The following GRK5 variants were observed in gnomAD, a reference collection of about 807,000 sequenced individuals.
The protein encoded by GRK5 is g protein-coupled receptor kinase GRK5.
In GRK5, 40 loss-of-function variants were observed where a neutral mutation model predicts 78.4. The ratio of observed to expected loss-of-function variants is 0.51; its 90% CI spans 0.40 to 0.66. The LOEUF (loss-of-function observed/expected upper bound fraction) is 0.66, where lower values mean the gene tolerates loss of function less well. Among genes scored for constraint, GRK5 ranks in the 30% least tolerant of loss-of-function variants. The pLI is 0.00. For missense variants in GRK5, 598 were observed against 759.9 expected (o/e 0.79, Z 2.50); for synonymous variants, 289 against 296.8 (o/e 0.97, Z 0.27).
intron 2 of GRK5, among the ~76,000 whole-genome samples, chr10:119,327,737 C>T (rs993704748): frequency 6.6e-6 from 1 of 152,234 alleles, no homozygotes; most frequent in Non-Finnish European, 1.5e-5. Flanking sequence ...TCAGTCCACA[C>T]TCCATGTTTA....
At chr10:119,408,455 C>G (rs1481424196) in intron 4 of GRK5, among the ~76,000 whole-genome samples, 1 of 151,694 alleles carries the variant, frequency 6.6e-6, no homozygotes, top group Non-Finnish European at 1.5e-5. Context: ...ACCAAAGTAT[C>G]CATCAACGGA....
At chr10:119,450,926 C>G (rs1460067401) in intron 13 of GRK5, among the ~76,000 whole-genome samples, 1 of 151,788 alleles carries the variant, frequency 6.6e-6, no homozygotes, top group Non-Finnish European at 1.5e-5. Flanking sequence ...CACTGGCCCT[C>G]CCCAGGCTGC....
At chr10:119,432,324 TGTA>T (rs1852836528) in intron 8 of GRK5, among the ~76,000 whole-genome samples, 1 of 152,172 alleles carries the variant, frequency 6.6e-6, no homozygotes, top group African/African-American at 2.4e-5. Flanking sequence ...GGTACATGCT[TGTA>T]GTCCCAGCTA....
intron 6 of GRK5, among the ~76,000 whole-genome samples, chr10:119,425,912 G>A (rs943669843): frequency 6.6e-6 from 1 of 152,250 alleles, no homozygotes; most frequent in Non-Finnish European, 1.5e-5. Flanking sequence ...TGCTGCCGAC[G>A]AGGCCCCGGC....
chr10:119,453,562 G>A (rs532663897), intron 15 of GRK5, among the ~76,000 whole-genome samples: 34 of 152,164 alleles, frequency 2.2e-4, no homozygotes, highest in Non-Finnish European at 2.9e-4. Context: ...TCACAGTGCC[G>A]TCCTGTGCAT....
At chr10:119,236,944 C>A (rs1296695141) in intron 1 of GRK5, among the ~76,000 whole-genome samples, 1 of 152,080 alleles carries the variant, frequency 6.6e-6, no homozygotes, top group East Asian at 1.9e-4. Flanking sequence ...CCAGTCTCTT[C>A]CTTTTACCAC....
intron 1 of GRK5, among the ~76,000 whole-genome samples, chr10:119,317,318 C>T (rs1589740953): frequency 1.3e-5 from 2 of 151,534 alleles, no homozygotes; most frequent in African/African-American, 4.9e-5. Flanking sequence ...CCAAGGGTCA[C>T]CAGAAGGCAA....
At chr10:119,400,861 G>A (rs1022788803) in intron 4 of GRK5, among the ~76,000 whole-genome samples, 5 of 152,210 alleles carry the variant, frequency 3.3e-5, no homozygotes, top group African/African-American at 1.2e-4. Flanking sequence ...CTTGCGAAAC[G>A]GCAGAAGGAG....
At chr10:119,358,779 C>T (rs541517398) in intron 2 of GRK5, among the ~76,000 whole-genome samples, 43 of 152,308 alleles carry the variant, frequency 2.8e-4, no homozygotes, top group Non-Finnish European at 1.2e-4. Context: ...GCGGCTTAGA[C>T]AACAGGTATT....
Position 119,456,008 on chromosome 10 carries a change from T to A in GRK5, c.*941T>A, listed in dbSNP as rs1229312222. The A allele has an allele frequency of 6.6e-6, 1 of 152,328 alleles. No individual in the cohort carries two copies. Among genetic ancestry groups the A allele is most frequent in the Admixed American group, 6.5e-5 (1 of 15,274 alleles). 9.4% of individuals were successfully genotyped at this position (152,328 alleles called of 1,614,324 possible). A position where few individuals can be genotyped will look rare whatever the true frequency, so the allele number is the denominator to read the frequency against. ...TTTTGCTCTATTTTTAACAGAAGCA[T>A]AGGACCGTAAAGATGTGTCATGAAA... is the stretch of plus-strand genomic sequence containing the variant. On this transcript the variant is annotated 3_prime_UTR_variant, in exon 16 of 16. Transcript: ENST00000392870. This position sits in a 1 kb window ranked among gnomAD's most constrained non-coding sequence, Gnocchi z 5.5.
In GRK5 at chr10:119,208,018, G is replaced by A. The variant is rs540663749; in HGVS notation, c.52+49G>A. 492 of 1,570,980 alleles carry A rather than the reference G, an allele frequency of 3.1e-4. 2 individuals carry two copies. In the East Asian group the frequency reaches 4.8e-3, roughly 15 times the overall value. On this transcript the variant is annotated intron_variant, in intron 1 of 15. Coordinates refer to ENST00000392870, the MANE Select transcript of GRK5 (RefSeq NM_005308.3). ...CCCGGCGCGTCCGCCGCGGGCCAGG[G>A]TGCGGGTGTCGGGTGGCGTGCGGGC...
intron 1 of GRK5, among the ~76,000 whole-genome samples, chr10:119,304,018 G>A (rs1850230321): frequency 1.3e-5 from 2 of 152,144 alleles, no homozygotes; most frequent in African/African-American, 2.4e-5. Context: ...GGGGAGGGCT[G>A]ACTCACCTGC....
chr10:119,246,137 G>A (rs1392576463), intron 1 of GRK5, among the ~76,000 whole-genome samples: 3 of 150,928 alleles, frequency 2.0e-5, no homozygotes, highest in Non-Finnish European at 4.4e-5. Context: ...AGTATCCTTT[G>A]GTCATTGGTT....
At chr10:119,288,211 T>C (rs1227012100) in intron 1 of GRK5, among the ~76,000 whole-genome samples, 1 of 152,110 alleles carries the variant, frequency 6.6e-6, no homozygotes, top group East Asian at 1.9e-4. Context: ...TGAGTCCTGA[T>C]GGAGGTGGGG....
chr10:119,216,172 G>T (rs117775978), intron 1 of GRK5, among the ~76,000 whole-genome samples: 1 of 152,194 alleles, frequency 6.6e-6, no homozygotes, highest in African/African-American at 2.4e-5. Flanking sequence ...TCTATCTGAC[G>T]TACCAGAGTC....
chr10:119,285,606 G>GTGA (rs1223274145), intron 1 of GRK5, among the ~76,000 whole-genome samples: 2 of 152,204 alleles, frequency 1.3e-5, no homozygotes, highest in Non-Finnish European at 2.9e-5. Context: ...TGGTTGCTGT[G>GTGA]TGAACCATCA....
At chr10:119,228,568 C>G (rs1423234772) in intron 1 of GRK5, among the ~76,000 whole-genome samples, 1 of 151,850 alleles carries the variant, frequency 6.6e-6, no homozygotes, top group Non-Finnish European at 1.5e-5. Flanking sequence ...CTGCAGTGAG[C>G]TGTGATCATG....
At chr10:119,355,674 G>A (rs1409699112) in intron 2 of GRK5, among the ~76,000 whole-genome samples, 2 of 152,166 alleles carry the variant, frequency 1.3e-5, no homozygotes, top group Non-Finnish European at 2.9e-5. Context: ...CAGCTACTCA[G>A]GAGGCTGAGG....
At chr10:119,348,857 C>A (rs927324552) in intron 2 of GRK5, among the ~76,000 whole-genome samples, 1 of 152,154 alleles carries the variant, frequency 6.6e-6, no homozygotes, top group Non-Finnish European at 1.5e-5. Context: ...AAAAGGAGTT[C>A]GCTCCATTAA....
Sources: gnomAD v4.1 joint callset for allele counts (sites outside exome capture counted in the v4.1 genomes callset) on GRCh38, gnomAD v4.1.1 for gene constraint, Gnocchi (gnomAD v3.1) non-coding constraint, MANE v1.5 for transcripts, NCBI Gene and HGNC (gene_info 2026-07-23, HGNC 2026-07-21) for gene names.